The following KDM6B variants were observed in gnomAD, a reference collection of about 807,000 sequenced individuals.
The protein encoded by KDM6B is lysine demethylase 6B.
KDM6B carries 22 observed loss-of-function variants against 150.4 expected under a neutral mutation model. The observed-to-expected ratio is 0.15, with a 90% CI of 0.10 to 0.21. The LOEUF (loss-of-function observed/expected upper bound fraction) is 0.21, where lower values mean the gene tolerates loss of function less well. KDM6B is among the 10% of genes least tolerant of loss of function. The probability of loss-of-function intolerance (pLI) is 1.00; values close to 1 mark genes in which losing one functional copy is unlikely to be tolerated. For missense variants in KDM6B, 1,984 were observed against 2,234.3 expected, an observed-to-expected ratio of 0.89 and a Z score of 2.26; for synonymous variants, 1,148 against 921.1, an observed-to-expected ratio of 1.25 and a Z score of -4.46.
In KDM6B at chr17:7,851,142, C is replaced by A. The variant is rs3736306; in HGVS notation, c.3795C>A (p.Ile1265=). 17,309 of 1,613,896 alleles carry A rather than the reference C, an allele frequency of 0.011. 1,047 individuals carry two copies. The East Asian group carries it at 0.2, about 18-fold the overall frequency. The change falls in exon 15 of 24, where the codon ATC becomes ATA. Residue 1265 remains isoleucine, a synonymous_variant. Transcript: ENST00000448097. ...GGGATCTGACAGGCACTCGGCAGAT[C>A]TGGCCTTGTGAGAGCTCCCGTTCCC... ...ENWDLTGTRQ[I]WPCESSRSHT... is the part of the protein sequence containing the mutation.
Position 7,851,017 on chromosome 17 carries a change from C to G in KDM6B, c.3674-4C>G, listed in dbSNP as rs1196443026. 6.3e-7 allele frequency: 1 copy of G among 1,599,282 alleles called. No individual in the cohort carries two copies. The highest frequency in any genetic ancestry group is 8.5e-7 in the Non-Finnish European group (1 of 1,173,412). On this transcript the variant is annotated splice_polypyrimidine_tract_variant and splice_region_variant and intron_variant, in intron 14 of 23. Transcript: ENST00000448097. ...CCGACACCCTGCTCGGCCCTCCCTT[C>G]CAGACTTGGGCCTCTTCTCCACCAA...
In KDM6B at chr17:7,852,018, C is replaced by G; in HGVS notation, c.4233C>G (p.Phe1411Leu). The stretch of plus-strand genomic sequence containing the variant: ...TTGGCCCAGGCGACTGCGAGTGGTT[C>G]GCGGTGCACGAGCACTACTGGGAGA... ...INIGPGDCEW[F>L]AVHEHYWETI... The change falls in exon 19 of 24, where the codon TTC (phenylalanine) becomes TTG (leucine). Residue 1411 changes from phenylalanine (F) to leucine (L), a missense_variant. By Grantham distance (22) the Phe-to-Leu change is conservative (BLOSUM62 0). Around this residue, in one of 13 missense-constraint regions of KDM6B, gnomAD observed 31 missense variants for 120.3 expected, o/e 0.26. Coordinates refer to ENST00000448097, the MANE Select transcript of KDM6B (RefSeq NM_001348716.2). 6.2e-7 allele frequency: 1 copy of G among 1,614,106 alleles called. No individual in the cohort carries two copies.
In KDM6B at chr17:7,849,496, C is replaced by T. The variant is rs752730349; in HGVS notation, c.3208C>T (p.Pro1070Ser). Residue 1070 changes from proline (P) to serine (S), a missense_variant, in exon 12 of 24, where the codon CCT (proline) becomes TCT (serine). Transcript: ENST00000448097. The stretch of plus-strand genomic sequence containing the variant: ...GCCCACACCCCCGTCAGCCTCTGTC[C>T]CTGGAAAGAAGGCTCGGGAGGAAGC... ...AQPTPPSASVPGKKAREEAPG... is the reference protein window; with the variant it reads ...AQPTPPSASVSGKKAREEAPG... 2.5e-6 allele frequency: 4 copies of T among 1,612,724 alleles called. No individual in the cohort carries two copies. Among genetic ancestry groups the T allele is most frequent in the East Asian group, 2.2e-5 (1 of 44,874 alleles).
At chr17:7,839,236 A>G (rs2078379115) in intron 1 of KDM6B, among the ~76,000 whole-genome samples, 1 of 152,156 alleles carries the variant, frequency 6.6e-6, no homozygotes, top group African/African-American at 2.4e-5. Context: ...GTGGGCCTGT[A>G]TCACCTTCTT....
At position 7,854,424 on chromosome 17, in the gene KDM6B, A is replaced by G. The variant is rs1204741038; in HGVS notation, c.*903A>G. 6.6e-6 allele frequency: 1 copy of G among 152,446 alleles called. No individual in the cohort carries two copies. Among genetic ancestry groups the G allele is most frequent in the Non-Finnish European group, 1.5e-5 (1 of 68,050 alleles). 9.4% of individuals were successfully genotyped at this position (152,446 alleles called of 1,614,324 possible). A position where few individuals can be genotyped will look rare whatever the true frequency, so the allele number is the denominator to read the frequency against. ...GTATTTTGTAAAAAAAATAAATAAA[A>G]TAAAAAAATTAAAGGTTTTAAAGAA... On this transcript the variant is annotated 3_prime_UTR_variant, in exon 24 of 24. Transcript: ENST00000448097.
rs1171048126 is a variant in KDM6B, at chr17:7,834,411, G to T, written c.-388+61G>T. On this transcript the variant is annotated intron_variant, in intron 1 of 23. Coordinates refer to ENST00000448097, the MANE Select transcript of KDM6B (RefSeq NM_001348716.2). ...AAACCCTCTCCTTGCAGCAGGGCAGGACGCCTGAGTCTCTGGAGGGGTAGA... is the reference window on the plus strand; with the variant it reads ...AAACCCTCTCCTTGCAGCAGGGCAGTACGCCTGAGTCTCTGGAGGGGTAGA... Among the ~76,000 whole-genome samples the T allele has an allele frequency of 2.0e-5, 3 of 152,266 alleles. No individual in the cohort carries two copies. The South Asian group carries it at 6.2e-4, about 32-fold the overall frequency.
chr17:7,848,985 C>T lies in KDM6B; in HGVS notation c.2697C>T (p.Pro899=), dbSNP rs956802080. Residue 899 remains proline, a synonymous_variant, in exon 12 of 24, where the codon CCC becomes CCT. Coordinates refer to ENST00000448097, the MANE Select transcript of KDM6B (RefSeq NM_001348716.2). The stretch of plus-strand genomic sequence containing the variant: ...GCCCCATGACCCCCACCCAACCGCC[C>T]CCACCCCTATCTCTGCCCCCTGCTC... ...VPGPMTPTQP[P]PPLSLPPARS... 2.2e-5 allele frequency: 34 copies of T among 1,579,888 alleles called. No individual in the cohort carries two copies. The highest frequency in any genetic ancestry group is 2.8e-5 in the Non-Finnish European group (33 of 1,161,648).
intron 19 of KDM6B, 39 bp from the exon 20 acceptor site, chr17:7,852,110 C>T (rs752398437): frequency 6.2e-6 from 10 of 1,613,678 alleles, no homozygotes; most frequent in African/African-American, 1.3e-5. Context: ...TCCCCGCCCT[C>T]GGTCCCCAGT....
In KDM6B at chr17:7,847,817, G is replaced by T. The variant is rs779498941; in HGVS notation, c.1529G>T (p.Gly510Val). 1.9e-6 allele frequency: 3 copies of T among 1,546,594 alleles called. No homozygotes were observed. Among genetic ancestry groups the T allele is most frequent in the Non-Finnish European group, 2.6e-6 (3 of 1,145,064 alleles). ...GAAGAGCTCTTCTTTGGGACTGAGGGACCCCCCCGCCCTGCCCCACCACCC... is the reference window on the plus strand; with the variant it reads ...GAAGAGCTCTTCTTTGGGACTGAGGTACCCCCCCGCCCTGCCCCACCACCC... ...ILEELFFGTEGPPRPAPPPLP... is the reference protein window; with the variant it reads ...ILEELFFGTEVPPRPAPPPLP... The change falls in exon 12 of 24, where the codon GGA becomes GTA. Residue 510 changes from glycine (G) to valine (V), a missense_variant. Coordinates refer to ENST00000448097, the MANE Select transcript of KDM6B (RefSeq NM_001348716.2).
chr17:7,836,034 C>T (rs969519286), intron 1 of KDM6B, among the ~76,000 whole-genome samples: 1 of 152,238 alleles, frequency 6.6e-6, no homozygotes, highest in African/African-American at 2.4e-5. Flanking sequence ...TCTGCTCGGC[C>T]GCTGCCTTCC....
At position 7,843,817 on chromosome 17, in the gene KDM6B, CG is replaced by C. The variant is rs2078469823; in HGVS notation, c.-268-1080del. Among the ~76,000 whole-genome samples the C allele has an allele frequency of 6.6e-6, 1 of 152,006 alleles. No individual in the cohort carries two copies. Among genetic ancestry groups the C allele is most frequent in the Non-Finnish European group, 1.5e-5 (1 of 67,978 alleles). On this transcript the variant is annotated intron_variant, in intron 2 of 23. Transcript: ENST00000448097. The surrounding 1 kb of genome is among the most constrained non-coding windows in gnomAD (Gnocchi z 4.5). ...ACGCCGGGTAGGCAAGGAGGAGGCGCGGGGACGCAGCTCCTGGGCTCAGAGA... is the reference window on the plus strand; with the variant it reads ...ACGCCGGGTAGGCAAGGAGGAGGCGCGGGACGCAGCTCCTGGGCTCAGAGA...
At position 7,845,660 on chromosome 17, in the gene KDM6B, C is replaced by T. The variant is rs1258751281; in HGVS notation, c.106C>T (p.Pro36Ser). 3.1e-6 allele frequency: 5 copies of T among 1,614,208 alleles called. No individual in the cohort carries two copies. In the South Asian group the frequency reaches 4.4e-5, roughly 14 times the overall value. The stretch of plus-strand genomic sequence containing the variant: ...CTGGAGCTCCTGCCCGCCTCATCCC[C>T]CTCCTCGTAGCGCATGGCTGCCTGG... ...GAWSSCPPHP[P>S]PRSAWLPGGR... Residue 36 changes from proline to serine, a missense_variant, in exon 5 of 24, where the codon CCT (proline) becomes TCT (serine). Around this residue, in one of 13 missense-constraint regions of KDM6B, gnomAD observed 337 missense variants for 323.9 expected, o/e 1.04. Transcript: ENST00000448097.
chr17:7,849,706 G>A lies in KDM6B; in HGVS notation c.3418G>A (p.Ala1140Thr). 1 of 1,611,080 alleles carries A rather than the reference G, an allele frequency of 6.2e-7. No homozygotes were observed. Among genetic ancestry groups the A allele is most frequent in the Non-Finnish European group, 8.5e-7 (1 of 1,179,940 alleles). Residue 1140 changes from alanine to threonine, a missense_variant, in exon 12 of 24, where the codon GCT (alanine) becomes ACT (threonine). By Grantham distance (58) the Ala-to-Thr change is moderately conservative. Transcript: ENST00000448097. ...AGACCTCACCATCAGCCACTGTGCTGCTGACGTCGTGCGCGCCAGCAGGTG... is the reference window on the plus strand; with the variant it reads ...AGACCTCACCATCAGCCACTGTGCTACTGACGTCGTGCGCGCCAGCAGGTG... ...MADLTISHCAADVVRASRNAK... is the reference protein window; with the variant it reads ...MADLTISHCATDVVRASRNAK...
chr17:7,853,703 TATG>T lies in KDM6B; in HGVS notation c.*184_*186del. The T allele has an allele frequency of 2.7e-6, 1 of 376,876 alleles. No individual in the cohort carries two copies. The highest frequency in any genetic ancestry group is 4.4e-6 in the Non-Finnish European group (1 of 226,950). 23.3% of individuals were successfully genotyped at this position (376,876 alleles called of 1,614,324 possible). On this transcript the variant is annotated 3_prime_UTR_variant, in exon 24 of 24. Coordinates refer to ENST00000448097, the MANE Select transcript of KDM6B (RefSeq NM_001348716.2). The stretch of plus-strand genomic sequence containing the variant: ...AAACTTTTTTTTTTTTTTTAGCAAA[TATG>T]AGGAAAAAAGGAAAAAAAATGGGAG...
intron 2 of KDM6B, among the ~76,000 whole-genome samples, chr17:7,841,909 A>G (rs2078422061): frequency 6.6e-6 from 1 of 152,160 alleles, no homozygotes; most frequent in Non-Finnish European, 1.5e-5. Flanking sequence ...CCCCTCCCCC[A>G]GGTAAGAAGC....
At position 7,853,681 on chromosome 17, in the gene KDM6B, C is replaced by CA; in HGVS notation, c.*160_*161insA. 9.0e-5 allele frequency: 29 copies of CA among 320,936 alleles called. No homozygotes were observed. Among genetic ancestry groups the CA allele is most frequent in the Non-Finnish European group, 1.3e-4 (24 of 183,472 alleles). 19.9% of individuals were successfully genotyped at this position (320,936 alleles called of 1,614,324 possible). A position where few individuals can be genotyped will look rare whatever the true frequency, so the allele number is the denominator to read the frequency against. On this transcript the variant is annotated 3_prime_UTR_variant, in exon 24 of 24. Coordinates refer to ENST00000448097, the MANE Select transcript of KDM6B (RefSeq NM_001348716.2). Reference sequence around the variant, plus strand: ...CCCTCACTTAATTTATTAAGAAAAACTTTTTTTTTTTTTTTAGCAAATATG... The same window carrying CA: ...CCCTCACTTAATTTATTAAGAAAAACATTTTTTTTTTTTTTTAGCAAATATG...
intron 1 of KDM6B, among the ~76,000 whole-genome samples, chr17:7,837,378 A>C (rs1025278483): frequency 6.6e-6 from 1 of 152,220 alleles, no homozygotes; most frequent in African/African-American, 2.4e-5. Flanking sequence ...AGGGTCAAGA[A>C]ACAGTATTAG....
chr17:7,836,478 G>C (rs1045863928), intron 1 of KDM6B, among the ~76,000 whole-genome samples: 5 of 152,200 alleles, frequency 3.3e-5, no homozygotes, highest in African/African-American at 1.2e-4. Context: ...CGGCCGGCTG[G>C]GGCACGGGGG....
rs781767737 is a variant in KDM6B, at chr17:7,848,346, C to T, written c.2058C>T (p.Ala686=). ...TGGAGGACCAGTTTGAGGAGCCAGC[C>T]GAATTCAAGATCCTACCTGATGGGC... ...TPLEDQFEEP[A]EFKILPDGLA... Residue 686 remains alanine (A), a synonymous_variant, in exon 12 of 24, where the codon GCC becomes GCT. Transcript: ENST00000448097. The T allele has an allele frequency of 3.7e-5, 60 of 1,612,776 alleles. No individual in the cohort carries two copies. Among genetic ancestry groups the T allele is most frequent in the Admixed American group, 2.3e-4 (14 of 60,002 alleles).
Sources: allele counts gnomAD v4.1 joint callset (sites outside exome capture counted in the v4.1 genomes callset), GRCh38; gene constraint gnomAD v4.1.1; regional missense constraint gnomAD v4.1.1; non-coding constraint Gnocchi (gnomAD v3.1); transcripts MANE v1.5; gene names NCBI Gene and HGNC (gene_info 2026-07-23, HGNC 2026-07-21).